The following CLASP2 variants were observed in gnomAD, a reference collection of about 807,000 sequenced individuals.
CLASP2 encodes the protein cytoplasmic linker associated protein 2.
In CLASP2, 47 loss-of-function variants were observed where a neutral mutation model predicts 194.4. That is an observed-to-expected ratio of 0.24 (90% CI 0.19 to 0.31). The LOEUF is 0.31. Among genes scored for constraint, CLASP2 ranks in the 10% least tolerant of loss-of-function variants. The pLI is 1.00. For missense variants in CLASP2, 1,445 were observed against 1,823.6 expected (o/e 0.79, Z 3.78); for synonymous variants, 619 against 633.5 (o/e 0.98, Z 0.34).
intron 18 of CLASP2, among the ~76,000 whole-genome samples, chr3:33,597,135 T>C (rs1256857327): frequency 2.0e-5 from 3 of 152,142 alleles, no homozygotes; most frequent in Non-Finnish European, 4.4e-5. Context: ...TTAGGCCCTC[T>C]CATCATTAGC....
intron 12 of CLASP2, among the ~76,000 whole-genome samples, chr3:33,616,580 C>T (rs542525418): frequency 6.6e-6 from 1 of 152,084 alleles, no homozygotes; most frequent in African/African-American, 2.4e-5. Context: ...TATTCCTGAT[C>T]AAACTTTAGC....
intron 7 of CLASP2, among the ~76,000 whole-genome samples, chr3:33,657,996 A>C (rs912411343): frequency 6.6e-6 from 1 of 152,176 alleles, no homozygotes; most frequent in Admixed American, 6.5e-5. Context: ...AAACACTCAA[A>C]ACATTTTTGA....
At chr3:33,685,877 G>A (rs2090601519) in intron 5 of CLASP2, among the ~76,000 whole-genome samples, 1 of 152,120 alleles carries the variant, frequency 6.6e-6, no homozygotes, top group Non-Finnish European at 1.5e-5. Context: ...CATGGGTACA[G>A]GGTTTCAGTC....
chr3:33,530,537 T>C (rs1047885231), intron 34 of CLASP2, among the ~76,000 whole-genome samples: 2 of 152,228 alleles, frequency 1.3e-5, no homozygotes, highest in African/African-American at 4.8e-5. Flanking sequence ...TTAAGTATTA[T>C]GTATTTCACA....
intron 7 of CLASP2, among the ~76,000 whole-genome samples, chr3:33,661,911 T>C (rs979235507): frequency 3.3e-5 from 5 of 152,230 alleles, no homozygotes; most frequent in African/African-American, 1.2e-4. Context: ...CATCCTCTTG[T>C]TAATTAATTC....
Position 33,626,954 on chromosome 3 carries a change from AAAG to A in CLASP2, c.1035+31_1035+33del, listed in dbSNP as rs1354040266. On this transcript the variant is annotated intron_variant, in intron 10 of 38. Transcript: ENST00000682230. ...TTTTTTAAAAGGAACATCAATAAAG[AAAG>A]AAGATAAGAAAATTAAAGACAAAAA... 5.5e-6 allele frequency: 7 copies of A among 1,281,416 alleles called. No individual in the cohort carries two copies. In the Middle Eastern group the frequency reaches 1.5e-3, roughly 276 times the overall value. 79.4% of individuals were successfully genotyped at this position (1,281,416 alleles called of 1,614,324 possible).
At chr3:33,669,562 G>C (rs2086777438) in intron 6 of CLASP2, among the ~76,000 whole-genome samples, 1 of 151,156 alleles carries the variant, frequency 6.6e-6, no homozygotes, top group South Asian at 2.1e-4. Flanking sequence ...TACAAATCAA[G>C]TTTTTAAAAA....
chr3:33,514,396 C>T (rs1254580993), intron 36 of CLASP2, among the ~76,000 whole-genome samples: 3 of 152,094 alleles, frequency 2.0e-5, no homozygotes, highest in Non-Finnish European at 4.4e-5. Context: ...GTTGCTTCTG[C>T]TTTTAGTTAT....
chr3:33,602,585 A>G (rs774364732), intron 18 of CLASP2: 1 of 761,602 alleles, frequency 1.3e-6, no homozygotes, highest in South Asian at 1.4e-5. Flanking sequence ...AAAAGGCTTC[A>G]CATTCTTGGT....
chr3:33,510,467 G>T, intron 37 of CLASP2, 91 bp downstream of exon 37: 2 of 1,179,672 alleles, frequency 1.7e-6, no homozygotes, highest in South Asian at 2.8e-5. Context: ...AGGAAGGCTT[G>T]ATCATGCCAG....
intron 23 of CLASP2, among the ~76,000 whole-genome samples, chr3:33,578,834 T>C (rs2065430330): frequency 6.6e-6 from 1 of 152,184 alleles, no homozygotes; most frequent in Non-Finnish European, 1.5e-5. Flanking sequence ...GTTCCAGAAA[T>C]ACATGGAAAC....
At chr3:33,659,176 C>T (rs981804404) in intron 7 of CLASP2, 3 of 1,376,478 alleles carry the variant, frequency 2.2e-6, no homozygotes, top group Non-Finnish European at 1.9e-6. Flanking sequence ...AAATAAAAGT[C>T]TGGGGTCTTG....
intron 21 of CLASP2, among the ~76,000 whole-genome samples, chr3:33,589,532 C>T (rs552036820): frequency 3.9e-5 from 6 of 152,118 alleles, no homozygotes; most frequent in South Asian, 4.1e-4. Flanking sequence ...CAAAAGAATT[C>T]GGAATGGAAC....
chr3:33,656,250 T>C (rs1291465025), intron 7 of CLASP2, among the ~76,000 whole-genome samples: 1 of 152,138 alleles, frequency 6.6e-6, no homozygotes, highest in African/African-American at 2.4e-5. Context: ...TAAGCTTACA[T>C]AACATATTCA....
intron 33 of CLASP2, among the ~76,000 whole-genome samples, chr3:33,536,144 A>C (rs1004065026): frequency 6.6e-6 from 1 of 152,124 alleles, no homozygotes; most frequent in Non-Finnish European, 1.5e-5. Context: ...AATATTTACT[A>C]TGCACATATT....
Position 33,616,516 on chromosome 3 carries a change from C to G in CLASP2, c.1317+3087G>C, listed in dbSNP as rs1023987081. ...AATGTATAATGAATAAATGAAAAAACAAAGATAATCATTTCTAAAGATATT... is the reference window on the plus strand; with the variant it reads ...AATGTATAATGAATAAATGAAAAAAGAAAGATAATCATTTCTAAAGATATT... On this transcript the variant is annotated intron_variant, in intron 12 of 38. Transcript: ENST00000682230. Among the ~76,000 whole-genome samples, 5 of 151,858 alleles carry G rather than the reference C, an allele frequency of 3.3e-5. No individual in the cohort carries two copies. The South Asian group carries it at 8.3e-4, about 25-fold the overall frequency.
chr3:33,587,611 A>G (rs1049970252), intron 21 of CLASP2, among the ~76,000 whole-genome samples: 1 of 152,250 alleles, frequency 6.6e-6, no homozygotes, highest in Admixed American at 6.5e-5. Context: ...AAGGAATTCT[A>G]AATTATTGTA....
intron 9 of CLASP2, 138 bp from the exon 10 acceptor site, chr3:33,627,218 T>C (rs2078208433): frequency 3.0e-6 from 2 of 673,722 alleles, no homozygotes; most frequent in South Asian, 3.4e-5. Flanking sequence ...AGAATAGAAA[T>C]ACATTATAGA....
intron 12 of CLASP2, among the ~76,000 whole-genome samples, 195 bp downstream of exon 12, chr3:33,619,408 T>C (rs933533332): frequency 6.6e-6 from 1 of 152,140 alleles, no homozygotes; most frequent in Non-Finnish European, 1.5e-5. Context: ...ATCCTCTAGT[T>C]CTATAATGAC....
Sources: gnomAD v4.1 joint callset for allele counts (sites outside exome capture counted in the v4.1 genomes callset) on GRCh38, gnomAD v4.1.1 for gene constraint, MANE v1.5 for transcripts, NCBI Gene and HGNC (gene_info 2026-07-23, HGNC 2026-07-21) for gene names.